The following FRMPD1 variants were observed in gnomAD, a reference collection of about 807,000 sequenced individuals.
FRMPD1 encodes the protein FERM and PDZ domain containing 1, also known as FERM and PDZ domain-containing protein 1.
A neutral mutation model predicts 117.8 loss-of-function variants in FRMPD1; 76 were observed. The ratio of observed to expected loss-of-function variants is 0.65; its 90% CI spans 0.54 to 0.78. The LOEUF is 0.78. Ranked by LOEUF, FRMPD1 falls within the 30% of genes least tolerant of loss-of-function variation. The pLI is 0.00. For missense variants in FRMPD1, 1,786 were observed against 1,964.5 expected, an observed-to-expected ratio of 0.91 and a Z score of 1.72; for synonymous variants, 783 against 770.4, an observed-to-expected ratio of 1.02 and a Z score of -0.27.
At chr9:37,641,740 T>G in the FRMPD1 span, among the ~76,000 whole-genome samples, 1 of 152,236 alleles carries the variant, frequency 6.6e-6, no homozygotes, top group African/African-American at 2.4e-5. Flanking sequence ...GTCTGGGGAC[T>G]GTCCATGCAC....
chr9:37,699,002 G>A (rs1310299785), intron 2 of FRMPD1, among the ~76,000 whole-genome samples: 4 of 151,284 alleles, frequency 2.6e-5, no homozygotes, highest in African/African-American at 9.7e-5. Context: ...GCCTCCCAAA[G>A]TGCTGGGATT....
chr9:37,624,848 T>C, the FRMPD1 span, among the ~76,000 whole-genome samples: 1 of 152,228 alleles, frequency 6.6e-6, no homozygotes, highest in Non-Finnish European at 1.5e-5. Context: ...GGTTATGGCA[T>C]TGAATTAACT....
In FRMPD1 at chr9:37,740,358, C is replaced by T. The variant is rs775771719; in HGVS notation, c.1830C>T (p.Asp610=). 1.6e-5 allele frequency: 26 copies of T among 1,613,558 alleles called. 1 individual carries two copies. The highest frequency in any genetic ancestry group is 6.6e-5 in the South Asian group (6 of 91,088). ...YRTSGSSESM[D]ALEEDDLDTC... ...CCAGTGGCTCGAGTGAGTCCATGGA[C>T]GCTCTGGAAGAGGATGACTTAGACA... The change falls in exon 15 of 16, where the codon GAC becomes GAT. Residue 610 remains aspartate (D), a synonymous_variant. Coordinates refer to ENST00000377765, the MANE Select transcript of FRMPD1 (RefSeq NM_014907.3). This position sits in a 1 kb window ranked among gnomAD's most constrained non-coding sequence, Gnocchi z 4.2.
chr9:37,745,052 A>G lies in FRMPD1; in HGVS notation c.3020A>G (p.Glu1007Gly), dbSNP rs1191501193. Residue 1007 changes from glutamate (E) to glycine (G), a missense_variant, in exon 16 of 16, where the codon GAG becomes GGG. Glu to Gly is a moderately conservative substitution (Grantham distance 98, BLOSUM62 -2). Coordinates refer to ENST00000377765, the MANE Select transcript of FRMPD1 (RefSeq NM_014907.3). ...ATTGCCCCCAAAGAACCAACCATAG[A>G]GCATGGAGACAGCTCCTTCTCCCTC... ...DGIAPKEPTIEHGDSSFSLSS... is the reference protein window; with the variant it reads ...DGIAPKEPTIGHGDSSFSLSS... 52 of 1,614,124 alleles carry G rather than the reference A, an allele frequency of 3.2e-5. No homozygotes were observed. The highest frequency in any genetic ancestry group is 4.2e-5 in the Non-Finnish European group (50 of 1,180,012).
chr9:37,604,835 C>T, the FRMPD1 span, among the ~76,000 whole-genome samples: 17 of 152,194 alleles, frequency 1.1e-4, no homozygotes, highest in African/African-American at 4.1e-4. Flanking sequence ...GCATTAGGGC[C>T]GCAGGAAGAG....
the FRMPD1 span, among the ~76,000 whole-genome samples, chr9:37,640,005 C>G: frequency 1.3e-5 from 2 of 152,180 alleles, no homozygotes; most frequent in East Asian, 1.9e-4. Flanking sequence ...GTAGATGCCT[C>G]TATACAGCCA....
the FRMPD1 span, among the ~76,000 whole-genome samples, chr9:37,640,714 G>GA: frequency 2.6e-5 from 4 of 151,624 alleles, no homozygotes; most frequent in South Asian, 2.1e-4. Flanking sequence ...CTTTATTTTT[G>GA]AAAAAAAATT....
chr9:37,670,074 C>T (rs1274984440), intron 1 of FRMPD1: 3 of 152,002 alleles, frequency 2.0e-5, no homozygotes, highest in Admixed American at 6.6e-5. Context: ...AAAAACGTCT[C>T]AACCACTGAG....
At chr9:37,696,104 T>C (rs1822315725) in intron 2 of FRMPD1, among the ~76,000 whole-genome samples, 1 of 145,124 alleles carries the variant, frequency 6.9e-6, no homozygotes, top group Non-Finnish European at 1.5e-5. Context: ...AGCTCTTTCC[T>C]ATCTCAGGGA....
intron 2 of FRMPD1, among the ~76,000 whole-genome samples, chr9:37,703,662 C>CGTA (rs1314865479): frequency 1.3e-5 from 2 of 152,158 alleles, no homozygotes. Context: ...CAAAGGAAAC[C>CGTA]TATACCTATT....
intron 5 of FRMPD1, among the ~76,000 whole-genome samples, chr9:37,717,416 G>A (rs1339463483): frequency 2.3e-5 from 3 of 132,690 alleles, no homozygotes; most frequent in Non-Finnish European, 3.1e-5. Context: ...GTCTTCCTCT[G>A]TCATCCAGGC....
intron 1 of FRMPD1, among the ~76,000 whole-genome samples, chr9:37,652,369 G>T (rs887707534): frequency 2.2e-4 from 33 of 152,176 alleles, no homozygotes; most frequent in Admixed American, 1.3e-3. Flanking sequence ...AAACAAGCAC[G>T]AGGTAGTTAA....
chr9:37,654,542 G>A (rs1361664362), intron 1 of FRMPD1, among the ~76,000 whole-genome samples: 3 of 152,296 alleles, frequency 2.0e-5, no homozygotes, highest in Admixed American at 6.5e-5. Flanking sequence ...TGTAAACTAG[G>A]GATAATAACA....
At chr9:37,631,697 G>T in the FRMPD1 span, among the ~76,000 whole-genome samples, 1 of 152,140 alleles carries the variant, frequency 6.6e-6, no homozygotes, top group African/African-American at 2.4e-5. Flanking sequence ...TCGACCTCCT[G>T]GGCTCAAGCA....
intron 12 of FRMPD1, 81 bp from the exon 13 acceptor site, chr9:37,735,471 C>T (rs1397724506): frequency 1.9e-5 from 19 of 1,023,446 alleles, no homozygotes; most frequent in South Asian, 8.9e-5. Context: ...GAGTTTGCAG[C>T]GAGAGGTATT....
chr9:37,611,840 CT>C, the FRMPD1 span, among the ~76,000 whole-genome samples: 1 of 152,134 alleles, frequency 6.6e-6, no homozygotes, highest in African/African-American at 2.4e-5. Context: ...CTTCTGTATT[CT>C]TTTTTTCCCT....
intron 2 of FRMPD1, among the ~76,000 whole-genome samples, chr9:37,702,201 T>C (rs1822557743): frequency 1.3e-5 from 2 of 152,232 alleles, no homozygotes; most frequent in South Asian, 4.1e-4. Flanking sequence ...TTTTCACTTT[T>C]CACTAATTAT....
At chr9:37,649,042 T>C (rs1010684643), upstream of FRMPD1, among the ~76,000 whole-genome samples, 22 of 152,030 alleles carry the variant, frequency 1.4e-4, no homozygotes, top group Admixed American at 1.3e-3. Flanking sequence ...AGGGGCTGGG[T>C]CCGGCACCTA....
rs949247661 is a variant in FRMPD1, at chr9:37,738,031, A to G, written c.1549+788A>G. ...GTTTCTGCCAGGCTTTTGCCTCAGC[A>G]CCATTGATGCAGCATGAACCTAGGG... On this transcript the variant is annotated intron_variant, in intron 14 of 15. Transcript: ENST00000377765. Among the ~76,000 whole-genome samples, 25 of 152,242 alleles carry G rather than the reference A, an allele frequency of 1.6e-4. 1 individual carries two copies. The highest frequency in any genetic ancestry group is 3.1e-4 in the Non-Finnish European group (21 of 68,024).
Sources: gnomAD v4.1 joint callset for allele counts (sites outside exome capture counted in the v4.1 genomes callset) on GRCh38, gnomAD v4.1.1 for gene constraint, Gnocchi (gnomAD v3.1) non-coding constraint, MANE v1.5 for transcripts, NCBI Gene and HGNC (gene_info 2026-07-23, HGNC 2026-07-21) for gene names.